ASXL3: variants seen among roughly 807,000 people sequenced by gnomAD.
ASXL3 encodes the protein ASXL transcriptional regulator 3, also known as putative Polycomb group protein ASXL3.
Under a neutral mutation model 170.6 loss-of-function variants are expected in ASXL3, and 34 were observed. That is an observed-to-expected ratio of 0.20 (90% CI 0.15 to 0.27). The LOEUF (loss-of-function observed/expected upper bound fraction) is 0.27, where lower values mean the gene tolerates loss of function less well. ASXL3 is among the 10% of genes least tolerant of loss of function. The pLI, the probability that ASXL3 is intolerant of heterozygous loss-of-function variation, is 1.00. For synonymous variants in ASXL3, 1,002 were observed against 989.1 expected, an observed-to-expected ratio of 1.01 and a Z score of -0.24; for missense variants, 2,592 against 2,695.3, an observed-to-expected ratio of 0.96 and a Z score of 0.85.
At position 33,701,792 on chromosome 18, in the gene ASXL3, A is replaced by T. The variant is rs138685184; in HGVS notation, c.879+18224A>T. 7.0e-4 allele frequency among the ~76,000 whole-genome samples: 107 copies of T among 151,984 alleles called. 1 individual carries two copies. In the East Asian group the frequency reaches 0.017, roughly 25 times the overall value. On this transcript the variant is annotated intron_variant, in intron 8 of 11. Transcript: ENST00000269197. ...TTTCATCAAATATAGAAAGTTAAAC[A>T]TTTTTTTTATTATTTTCTTCTCCTT...
chr18:33,746,599 C>G lies in ASXL3; in HGVS notation c.*4C>G. The G allele has an allele frequency of 6.4e-7, 1 of 1,569,218 alleles. No homozygotes were observed. The highest frequency in any genetic ancestry group is 8.6e-7 in the Non-Finnish European group (1 of 1,157,262). On this transcript the variant is annotated 3_prime_UTR_variant, in exon 12 of 12. Transcript: ENST00000269197. ...AGCATGCCTGGTTGTACGATAAGAG[C>G]TGAGTGAAAGATGCAGTATCCCTTT...
chr18:33,591,641 T>G (rs1272223743), intron 1 of ASXL3, among the ~76,000 whole-genome samples: 1 of 150,262 alleles, frequency 6.7e-6, no homozygotes, highest in Non-Finnish European at 1.5e-5. Flanking sequence ...GACACTACTT[T>G]TTTTTTTTTT....
chr18:33,638,073 G>A (rs534042456), intron 2 of ASXL3, among the ~76,000 whole-genome samples: 9 of 151,534 alleles, frequency 5.9e-5, no homozygotes, highest in Non-Finnish European at 1.2e-4. Flanking sequence ...TAATAAAGAG[G>A]CATCTCAATT....
chr18:33,682,913 C>T (rs1160599073), intron 7 of ASXL3, among the ~76,000 whole-genome samples: 1 of 152,130 alleles, frequency 6.6e-6, no homozygotes, highest in East Asian at 1.9e-4. Context: ...TGAATAGGAA[C>T]CTTCTGAAAT....
chr18:33,677,842 A>T (rs966274590), intron 7 of ASXL3, among the ~76,000 whole-genome samples: 3 of 152,186 alleles, frequency 2.0e-5, no homozygotes, highest in African/African-American at 7.2e-5. Context: ...TATTTTTCCC[A>T]TTAGACTTTA....
At chr18:33,607,163 G>C in intron 1 of ASXL3, among the ~76,000 whole-genome samples, 1 of 151,948 alleles carries the variant, frequency 6.6e-6, no homozygotes, top group Non-Finnish European at 1.5e-5. Context: ...CAGTGAGGCT[G>C]TTTGTGACCA....
chr18:33,743,913 T>G lies in ASXL3; in HGVS notation c.4065T>G (p.Thr1355=). 6.2e-7 allele frequency: 1 copy of G among 1,613,998 alleles called. No homozygotes were observed. Among genetic ancestry groups the G allele is most frequent in the Non-Finnish European group, 8.5e-7 (1 of 1,179,884 alleles). ...GAAACAATTTGCCAAACCTCTCCAC[T>G]AGCTCTGTCTTGATTCCCCCAATGG... is the stretch of plus-strand genomic sequence containing the variant. The part of the protein sequence containing the change: ...SIGNNLPNLS[T]SSVLIPPMGI... Residue 1355 remains threonine (T), a synonymous_variant, in exon 12 of 12, where the codon ACT becomes ACG. Transcript: ENST00000269197.
At chr18:33,691,276 G>A (rs142802689) in intron 8 of ASXL3, among the ~76,000 whole-genome samples, 4 of 152,086 alleles carry the variant, frequency 2.6e-5, no homozygotes, top group East Asian at 1.9e-4. Context: ...TAAGCCCTGC[G>A]TCCCTTCACA....
At chr18:33,728,680 C>T (rs2067388796) in intron 8 of ASXL3, among the ~76,000 whole-genome samples, 1 of 152,138 alleles carries the variant, frequency 6.6e-6, no homozygotes, top group Non-Finnish European at 1.5e-5. Flanking sequence ...CTCCCAATGA[C>T]TTTACCTTCT....
intron 1 of ASXL3, among the ~76,000 whole-genome samples, chr18:33,580,841 TTTAAG>T (rs1406249156): frequency 1.3e-5 from 2 of 152,170 alleles, no homozygotes; most frequent in Non-Finnish European, 2.9e-5. Context: ...TTCAATTTGG[TTTAAG>T]TTATTTTTCC....
At chr18:33,654,998 A>G (rs559250942) in intron 4 of ASXL3, among the ~76,000 whole-genome samples, 31 of 152,170 alleles carry the variant, frequency 2.0e-4, no homozygotes, top group African/African-American at 2.9e-4. Flanking sequence ...TATGTATACA[A>G]TGGTCTTCCT....
intron 2 of ASXL3, among the ~76,000 whole-genome samples, chr18:33,633,824 G>A (rs1443657941): frequency 7.1e-6 from 1 of 141,456 alleles, no homozygotes; most frequent in African/African-American, 2.7e-5. Flanking sequence ...CAGCCTGGCG[G>A]CACAGCAAGA....
rs931008934 is a variant in ASXL3, at chr18:33,751,153, A to G, written c.*4558A>G. On this transcript the variant is annotated 3_prime_UTR_variant, in exon 12 of 12. Coordinates refer to ENST00000269197, the MANE Select transcript of ASXL3 (RefSeq NM_030632.3). ...TCTCAAAGTAACAACTTGGGTTTCA[A>G]TATTAAGATATTCTGGAGAAAATAA... The G allele has an allele frequency of 1.3e-5, 2 of 152,280 alleles. No individual in the cohort carries two copies. Among genetic ancestry groups the G allele is most frequent in the South Asian group, 2.1e-4 (1 of 4,820 alleles). The allele number at this position is 152,280 out of a possible 1,614,324, so 9.4% of individuals were successfully genotyped here. A position where few individuals can be genotyped will look rare whatever the true frequency, so the allele number is the denominator to read the frequency against.
chr18:33,636,309 C>A (rs554177988), intron 2 of ASXL3, among the ~76,000 whole-genome samples: 1 of 89,942 alleles, frequency 1.1e-5, no homozygotes, highest in South Asian at 4.5e-4. Context: ...ACTGATTCAA[C>A]AACAACAACA....
chr18:33,625,867 A>T (rs2145161759), intron 2 of ASXL3: 1 of 152,292 alleles, frequency 6.6e-6, no homozygotes, highest in South Asian at 2.1e-4. Context: ...ATATATGATG[A>T]GCATTTTTAT....
intron 2 of ASXL3, among the ~76,000 whole-genome samples, chr18:33,612,724 C>T (rs968495574): frequency 6.6e-6 from 1 of 152,060 alleles, no homozygotes; most frequent in Admixed American, 6.6e-5. Flanking sequence ...TGGCATTGCT[C>T]TTGGTGAGAT....
At chr18:33,694,448 A>G (rs967959226) in intron 8 of ASXL3, among the ~76,000 whole-genome samples, 1 of 152,144 alleles carries the variant, frequency 6.6e-6, no homozygotes, top group Non-Finnish European at 1.5e-5. Flanking sequence ...ATTGAACCTC[A>G]CTGATGAGTA....
At chr18:33,622,956 A>G (rs2065538487) in intron 2 of ASXL3, among the ~76,000 whole-genome samples, 1 of 152,066 alleles carries the variant, frequency 6.6e-6, no homozygotes, top group South Asian at 2.1e-4. Flanking sequence ...ATTAAATCCC[A>G]TGTGTGGGCT....
At position 33,646,255 on chromosome 18, in the gene ASXL3, C is replaced by T. The variant is rs1436483451; in HGVS notation, c.257C>T (p.Ser86Leu). The change falls in exon 4 of 12, where the codon TCG becomes TTG. Residue 86 changes from serine to leucine, a missense_variant. By Grantham distance (145) the Ser-to-Leu change is moderately radical (BLOSUM62 -2). This residue lies in a region of ASXL3 where 251 missense variants were observed against 281.9 expected (regional missense o/e 0.89). Transcript: ENST00000269197. ...TTCAAAATAATACAGAAAGAGGAGT[C>T]GTCATGCCCAGCAGATGGCACGTTG... ...SGLYALKKEE[S>L]SCPADGTLDL... 8 of 1,610,216 alleles carry T rather than the reference C, an allele frequency of 5.0e-6. No homozygotes were observed. In the East Asian group the frequency reaches 6.7e-5, roughly 13 times the overall value.
Sources: gnomAD v4.1 joint callset for allele counts (sites outside exome capture counted in the v4.1 genomes callset) on GRCh38, gnomAD v4.1.1 for gene constraint, gnomAD v4.1.1 regional missense constraint, MANE v1.5 for transcripts, NCBI Gene and HGNC (gene_info 2026-07-23, HGNC 2026-07-21) for gene names.